The following KCNIP4 variants were observed in gnomAD, a reference collection of about 807,000 sequenced individuals.
KCNIP4 encodes Kv channel-interacting protein 4.
A neutral mutation model predicts 34.0 loss-of-function variants in KCNIP4; 12 were observed. That is an observed-to-expected ratio of 0.35 (90% CI 0.23 to 0.57). KCNIP4 has a LOEUF of 0.57. Among genes scored for constraint, KCNIP4 ranks in the 20% least tolerant of loss-of-function variants. KCNIP4 has a pLI of 0.83. For missense variants in KCNIP4, 238 were observed against 311.7 expected (o/e 0.76, Z 1.78); for synonymous variants, 124 against 102.2 (o/e 1.21, Z -1.29).
intron 3 of KCNIP4, among the ~76,000 whole-genome samples, chr4:20,798,637 A>C (rs959384483): frequency 1.3e-5 from 2 of 152,146 alleles, no homozygotes; most frequent in African/African-American, 4.8e-5. Flanking sequence ...AATCCTGTAG[A>C]GCATAGAAAC....
intron 1 of KCNIP4, among the ~76,000 whole-genome samples, chr4:21,803,466 C>T (rs984085514): frequency 2.0e-5 from 3 of 152,144 alleles, no homozygotes; most frequent in Non-Finnish European, 4.4e-5. Context: ...TGTGATAACA[C>T]CATTACCTTC....
intron 1 of KCNIP4, among the ~76,000 whole-genome samples, chr4:21,899,929 T>C (rs548872055): frequency 7.9e-5 from 12 of 151,752 alleles, no homozygotes; most frequent in African/African-American, 2.2e-4. Flanking sequence ...ACCAAATTAA[T>C]ATGGAACCAC....
intron 3 of KCNIP4, among the ~76,000 whole-genome samples, chr4:20,792,486 C>A (rs1712898657): frequency 6.6e-6 from 1 of 151,884 alleles, no homozygotes; most frequent in African/African-American, 2.4e-5. Context: ...ATAAATGCCA[C>A]AAATAAAAGG....
intron 1 of KCNIP4, among the ~76,000 whole-genome samples, chr4:21,863,923 T>C (rs777328347): frequency 6.6e-6 from 1 of 151,046 alleles, no homozygotes; most frequent in Non-Finnish European, 1.5e-5. Context: ...AATGCAAATA[T>C]TAAACAACCT....
intron 1 of KCNIP4, among the ~76,000 whole-genome samples, chr4:20,887,810 A>C (rs1036294868): frequency 2.6e-5 from 4 of 152,208 alleles, no homozygotes; most frequent in Non-Finnish European, 4.4e-5. Context: ...AATAGAGAGC[A>C]CAGGAAATTG....
chr4:21,672,554 A>T (rs577764664), intron 1 of KCNIP4, among the ~76,000 whole-genome samples: 2 of 152,326 alleles, frequency 1.3e-5, no homozygotes, highest in Non-Finnish European at 2.9e-5. Context: ...GTGTTTTTAC[A>T]TATTTTTCAT....
chr4:21,126,304 C>T (rs1422263522), intron 1 of KCNIP4, among the ~76,000 whole-genome samples: 1 of 152,090 alleles, frequency 6.6e-6, no homozygotes, highest in Non-Finnish European at 1.5e-5. Flanking sequence ...CTTATAGGGC[C>T]AAGAGATGAG....
rs530150513 is a variant in KCNIP4, at chr4:21,191,675, A to G, written c.62-308966T>C. Reference sequence around the variant, plus strand: ...GGCAGATGAACAATCTCTTACAGATAAGACAAATTTTATCTGGGATCAGTA... The same window carrying G: ...GGCAGATGAACAATCTCTTACAGATGAGACAAATTTTATCTGGGATCAGTA... On this transcript the variant is annotated intron_variant, in intron 1 of 8. Transcript: ENST00000382152. 2.0e-5 allele frequency among the ~76,000 whole-genome samples: 3 copies of G among 152,322 alleles called. No homozygotes were observed. In the South Asian group the frequency reaches 6.2e-4, roughly 32 times the overall value.
chr4:21,528,088 G>A (rs990795890), intron 1 of KCNIP4, among the ~76,000 whole-genome samples: 1 of 152,074 alleles, frequency 6.6e-6, no homozygotes, highest in Non-Finnish European at 1.5e-5. Context: ...TTTTATAAAC[G>A]ATTAATGAAA....
intron 1 of KCNIP4, among the ~76,000 whole-genome samples, chr4:21,816,935 C>T (rs569798399): frequency 1.3e-5 from 2 of 152,244 alleles, no homozygotes; most frequent in African/African-American, 2.4e-5. Context: ...ATGACAATAG[C>T]ATTTAGCTTT....
chr4:20,744,678 T>C (rs1242978654), intron 5 of KCNIP4, among the ~76,000 whole-genome samples: 3 of 152,098 alleles, frequency 2.0e-5, no homozygotes, highest in Non-Finnish European at 2.9e-5. Context: ...AATGACGTGT[T>C]AATGGGTGCA....
intron 1 of KCNIP4, among the ~76,000 whole-genome samples, chr4:21,674,067 C>T (rs138382120): frequency 0.015 from 2,261 of 152,208 alleles, 63 homozygotes; most frequent in African/African-American, 0.049. Flanking sequence ...CTTCTAAATG[C>T]GTTAGCTTTA....
intron 1 of KCNIP4, among the ~76,000 whole-genome samples, chr4:21,562,602 T>C (rs1231471633): frequency 6.6e-6 from 1 of 152,086 alleles, no homozygotes; most frequent in Non-Finnish European, 1.5e-5. Flanking sequence ...GAACACATGT[T>C]TATTGCATAT....
At chr4:21,238,866 T>C (rs1309134602) in intron 1 of KCNIP4, among the ~76,000 whole-genome samples, 1 of 151,714 alleles carries the variant, frequency 6.6e-6, no homozygotes, top group Non-Finnish European at 1.5e-5. Context: ...TTCACAGAAT[T>C]GGAAAAAAAC....
chr4:21,219,523 G>A (rs886787832), intron 1 of KCNIP4, among the ~76,000 whole-genome samples: 1 of 152,186 alleles, frequency 6.6e-6, no homozygotes, highest in Non-Finnish European at 1.5e-5. Flanking sequence ...AAAGTAAGAG[G>A]TCAAATAGCC....
At chr4:20,772,889 C>G (rs951687524) in intron 3 of KCNIP4, among the ~76,000 whole-genome samples, 2 of 152,084 alleles carry the variant, frequency 1.3e-5, no homozygotes, top group Admixed American at 6.5e-5. Flanking sequence ...CCACTTCAGC[C>G]TCTCAAAGTG....
Position 21,652,228 on chromosome 4 carries a change from G to T in KCNIP4, c.61+296343C>A, listed in dbSNP as rs1223127042. On this transcript the variant is annotated intron_variant, in intron 1 of 8. Coordinates refer to ENST00000382152, the MANE Select transcript of KCNIP4 (RefSeq NM_025221.6). ...GCCTTAACAGTAAATCATCCTTGTA[G>T]TATAAGTTTTCAGTTGTGGCAGGCT... Among the ~76,000 whole-genome samples the T allele has an allele frequency of 9.9e-5, 15 of 152,278 alleles. No individual in the cohort carries two copies. The East Asian group carries it at 2.9e-3, about 29-fold the overall frequency.
chr4:21,350,315 C>A (rs565954945), intron 1 of KCNIP4, among the ~76,000 whole-genome samples: 2 of 152,160 alleles, frequency 1.3e-5, no homozygotes, highest in African/African-American at 4.8e-5. Context: ...AATCTCTTGG[C>A]ACCATAAAAA....
At chr4:20,933,721 A>T (rs1348192952) in intron 1 of KCNIP4, among the ~76,000 whole-genome samples, 1 of 149,552 alleles carries the variant, frequency 6.7e-6, no homozygotes, top group Non-Finnish European at 1.5e-5. Context: ...ATAACTTTAG[A>T]TACCACGTCT....
Sources: allele counts gnomAD v4.1 joint callset (sites outside exome capture counted in the v4.1 genomes callset), GRCh38; gene constraint gnomAD v4.1.1; transcripts MANE v1.5; gene names NCBI Gene and HGNC (gene_info 2026-07-23, HGNC 2026-07-21).